ATP6V1C1: variants seen among roughly 807,000 people sequenced by gnomAD.
ATP6V1C1 encodes V-type proton ATPase subunit C 1.
ATP6V1C1 carries 45 observed loss-of-function variants against 53.9 expected under a neutral mutation model. The ratio of observed to expected loss-of-function variants is 0.83; its 90% CI spans 0.66 to 1.07. The LOEUF (loss-of-function observed/expected upper bound fraction) is 1.07. Among genes scored for constraint, ATP6V1C1 ranks in the 50% least tolerant of loss-of-function variants. The pLI is 0.00. For synonymous variants in ATP6V1C1, 153 were observed against 155.2 expected (o/e 0.99, Z 0.11); for missense variants, 315 against 440.3 (o/e 0.72, Z 2.55).
intron 6 of ATP6V1C1, 43 bp downstream of exon 6, chr8:103,052,865 C>A: frequency 4.0e-6 from 5 of 1,235,336 alleles, no homozygotes; most frequent in South Asian, 1.4e-5. Context: ...ACTGGGGAAG[C>A]ATACTAGCAT....
chr8:103,045,246 G>A (rs1244999414), intron 3 of ATP6V1C1, among the ~76,000 whole-genome samples: 3 of 152,204 alleles, frequency 2.0e-5, no homozygotes, highest in Admixed American at 6.5e-5. Context: ...TTTCTGAATT[G>A]ATAGAACCAC....
At chr8:103,029,269 C>T (rs1301410282) in intron 1 of ATP6V1C1, among the ~76,000 whole-genome samples, 2 of 128,752 alleles carry the variant, frequency 1.6e-5, no homozygotes, top group East Asian at 2.1e-4. Flanking sequence ...TCCTTCTTTT[C>T]TCTCTCTCTC....
chr8:103,034,839 G>A (rs1037512073), intron 1 of ATP6V1C1, among the ~76,000 whole-genome samples: 2 of 152,144 alleles, frequency 1.3e-5, no homozygotes, highest in African/African-American at 4.8e-5. Flanking sequence ...CCAAAGTGCT[G>A]GGATTACAGG....
At chr8:103,033,667 A>G (rs927893508) in intron 1 of ATP6V1C1, among the ~76,000 whole-genome samples, 2 of 152,216 alleles carry the variant, frequency 1.3e-5, no homozygotes, top group African/African-American at 2.4e-5. Flanking sequence ...CATATAATAT[A>G]TGCTGTCATA....
At chr8:103,026,815 A>G (rs1482068957) in intron 1 of ATP6V1C1, among the ~76,000 whole-genome samples, 1 of 152,198 alleles carries the variant, frequency 6.6e-6, no homozygotes, top group East Asian at 1.9e-4. Flanking sequence ...TCCGTCTCCA[A>G]AAAAAATAAA....
chr8:103,068,012 G>T (rs1817524841), intron 12 of ATP6V1C1, among the ~76,000 whole-genome samples: 2 of 151,884 alleles, frequency 1.3e-5, no homozygotes, highest in Admixed American at 1.3e-4. Context: ...TTGTTTTTTG[G>T]CTCTGTTGCT....
chr8:103,045,764 A>G (rs1817084649), intron 3 of ATP6V1C1, among the ~76,000 whole-genome samples: 2 of 151,936 alleles, frequency 1.3e-5, no homozygotes, highest in African/African-American at 4.8e-5. Flanking sequence ...ACACGATGAA[A>G]CCCCGTCTCT....
At chr8:103,050,991 T>TA in intron 4 of ATP6V1C1, 59 bp from the exon 5 acceptor site, 1 of 1,214,682 alleles carries the variant, frequency 8.2e-7, no homozygotes, top group Non-Finnish European at 1.2e-6. Flanking sequence ...TATCGCTGTG[T>TA]AAAAAACTGA....
rs59718182 is a variant in ATP6V1C1, at chr8:103,044,174, G to A, written c.200+1767G>A. Among the ~76,000 whole-genome samples the A allele has an allele frequency of 6.8e-3, 1,028 of 152,292 alleles. 13 individuals are homozygous for A. The highest frequency in any genetic ancestry group is 0.043 in the South Asian group (206 of 4,830). On this transcript the variant is annotated intron_variant, in intron 3 of 12. Coordinates refer to ENST00000518738, the MANE Select transcript of ATP6V1C1 (RefSeq NM_001695.5). ...GCTGGGATTACAGGCGTGAGCCACC[G>A]CGCCTGGCCATGTCTTCGTTTTCTT...
At chr8:103,062,336 A>G (rs1381041463) in intron 8 of ATP6V1C1, among the ~76,000 whole-genome samples, 1 of 151,608 alleles carries the variant, frequency 6.6e-6, no homozygotes. Flanking sequence ...ACGCCTGGCT[A>G]GTTTTTGTAT....
At chr8:103,064,530 CT>C in intron 10 of ATP6V1C1, 183 bp from the exon 11 acceptor site, 1 of 489,018 alleles carries the variant, frequency 2.0e-6, no homozygotes. Context: ...AGTGGCGAAC[CT>C]TTTAATCTAA....
In ATP6V1C1 at chr8:103,068,724, T is replaced by G; in HGVS notation, c.1126T>G (p.Cys376Gly). The change falls in exon 13 of 13, where the codon TGC becomes GGC. Residue 376 changes from cysteine (C) to glycine (G), a missense_variant. Cys to Gly is a radical substitution (Grantham distance 159). Transcript: ENST00000518738. The part of the protein sequence containing the change: ...YYPYVYYKID[C>G]NLLEFK Reference sequence around the variant, plus strand: ...CCCCTATGTGTACTACAAGATTGATTGCAACTTGCTGGAATTCAAGTGAAA... The same window carrying G: ...CCCCTATGTGTACTACAAGATTGATGGCAACTTGCTGGAATTCAAGTGAAA... The G allele has an allele frequency of 6.2e-7, 1 of 1,609,340 alleles. No individual in the cohort carries two copies. The highest frequency in any genetic ancestry group is 8.5e-7 in the Non-Finnish European group (1 of 1,177,936).
At chr8:103,029,738 A>T (rs9650007) in intron 1 of ATP6V1C1, among the ~76,000 whole-genome samples, 11,614 of 143,934 alleles carry the variant, frequency 0.081, 507 homozygotes, top group East Asian at 0.14. Context: ...TTTAAAAAAA[A>T]TTTTTTTTTT....
At chr8:103,041,042 A>G (rs1816991049) in intron 2 of ATP6V1C1, 74 bp downstream of exon 2, 1 of 1,496,338 alleles carries the variant, frequency 6.7e-7, no homozygotes, top group Non-Finnish European at 9.0e-7. Context: ...TTTAGTGGAA[A>G]TGAGATACCC....
At chr8:103,067,389 T>G (rs1015720668) in intron 12 of ATP6V1C1, among the ~76,000 whole-genome samples, 1 of 121,740 alleles carries the variant, frequency 8.2e-6, no homozygotes, top group South Asian at 2.7e-4. Context: ...AGAGGGAGAC[T>G]CCGTCCCAAA....
Position 103,048,770 on chromosome 8 carries a change from C to T in ATP6V1C1, c.201-100C>T, listed in dbSNP as rs577241893. ...ATTATATGGATAGGTATAATGGGAA[C>T]ATATAGTCAAATTCATGTCTTTATG... On this transcript the variant is annotated intron_variant, in intron 3 of 12. Transcript: ENST00000518738. The T allele has an allele frequency of 1.0e-5, 10 of 969,824 alleles. No individual in the cohort carries two copies. In the African/African-American group the frequency reaches 1.6e-4, roughly 16 times the overall value. The allele number at this position is 969,824 out of a possible 1,614,324, so 60.1% of individuals were successfully genotyped here.
chr8:103,053,287 A>G (rs971207690), intron 6 of ATP6V1C1, among the ~76,000 whole-genome samples: 1 of 151,968 alleles, frequency 6.6e-6, no homozygotes, highest in Non-Finnish European at 1.5e-5. Context: ...ATCCCCTTGT[A>G]CTATGACTAC....
Position 103,067,324 on chromosome 8 carries a change from C to CG in ATP6V1C1, c.1053+883dup, listed in dbSNP as rs545404078. On this transcript the variant is annotated intron_variant, in intron 12 of 12. Transcript: ENST00000518738. ...TGAGGCAGGAGAATCGCTTGAACCT[C>CG]GGGGGGTGGTTGCAGTGAGCCAAGA... Among the ~76,000 whole-genome samples the CG allele has an allele frequency of 7.5e-3, 1,067 of 141,416 alleles. 20 individuals are homozygous for CG. The highest frequency in any genetic ancestry group is 0.027 in the African/African-American group (1,023 of 37,968). 92.8% of individuals were successfully genotyped at this position (141,416 alleles called of 152,430 possible).
At chr8:103,022,665 A>G (rs145937958) in intron 1 of ATP6V1C1, among the ~76,000 whole-genome samples, 95 of 152,284 alleles carry the variant, frequency 6.2e-4, no homozygotes, top group African/African-American at 2.2e-3. Context: ...TTTTATTTAT[A>G]TTCTTCATAC....
Sources: allele counts gnomAD v4.1 joint callset (sites outside exome capture counted in the v4.1 genomes callset), GRCh38; gene constraint gnomAD v4.1.1; transcripts MANE v1.5; gene names NCBI Gene and HGNC (gene_info 2026-07-23, HGNC 2026-07-21).